Variants in GRM7 observed in about 807,000 individuals in gnomAD.
GRM7 encodes the protein glutamate metabotropic receptor 7, also known as metabotropic glutamate receptor 7.
A neutral mutation model predicts 84.5 loss-of-function variants in GRM7; 35 were observed. The observed-to-expected ratio is 0.41, with a 90% CI of 0.32 to 0.55. The LOEUF (loss-of-function observed/expected upper bound fraction) is 0.55. Among genes scored for constraint, GRM7 ranks in the 20% least tolerant of loss-of-function variants. The pLI is 0.19. For synonymous variants in GRM7, 487 were observed against 455.1 expected (o/e 1.07, Z -0.89); for missense variants, 1,003 against 1,194.6 (o/e 0.84, Z 2.36).
At chr3:7,712,018 T>C (rs1701596407) in intron 9 of GRM7, among the ~76,000 whole-genome samples, 1 of 152,192 alleles carries the variant, frequency 6.6e-6, no homozygotes, top group Non-Finnish European at 1.5e-5. Context: ...CACAGCAGAC[T>C]GCGCTGTACC....
At chr3:6,896,084 A>G (rs571167538) in intron 1 of GRM7, among the ~76,000 whole-genome samples, 1 of 152,214 alleles carries the variant, frequency 6.6e-6, no homozygotes, top group Non-Finnish European at 1.5e-5. Flanking sequence ...AACATGCAGC[A>G]TAAGATTAAT....
chr3:6,945,391 C>G (rs1698032755), intron 1 of GRM7, among the ~76,000 whole-genome samples: 1 of 152,062 alleles, frequency 6.6e-6, no homozygotes, highest in African/African-American at 2.4e-5. Context: ...AGGACACGAA[C>G]TCATCATTTT....
intron 7 of GRM7, among the ~76,000 whole-genome samples, chr3:7,505,497 A>G (rs1361826714): frequency 6.6e-6 from 1 of 152,162 alleles, no homozygotes; most frequent in East Asian, 1.9e-4. Flanking sequence ...TGTGTGACAA[A>G]CCACCGTGTG....
intron 2 of GRM7, among the ~76,000 whole-genome samples, chr3:7,243,238 G>T (rs2124924998): frequency 6.6e-6 from 1 of 152,152 alleles, no homozygotes; most frequent in Admixed American, 6.5e-5. Context: ...AAATTCAACT[G>T]GTAGCAGAGC....
intron 6 of GRM7, among the ~76,000 whole-genome samples, chr3:7,458,029 T>C (rs896033392): frequency 6.6e-6 from 1 of 152,110 alleles, no homozygotes; most frequent in African/African-American, 2.4e-5. Context: ...CCCGAACAAA[T>C]GCAACGTTCC....
chr3:7,383,329 T>C (rs1245352971), intron 4 of GRM7, among the ~76,000 whole-genome samples: 1 of 152,188 alleles, frequency 6.6e-6, no homozygotes, highest in Non-Finnish European at 1.5e-5. Context: ...TATAGAACTG[T>C]GGTATCTGAA....
chr3:7,461,541 T>C, intron 6 of GRM7, 42 bp from the exon 7 acceptor site: 1 of 1,542,992 alleles, frequency 6.5e-7, no homozygotes, highest in South Asian at 1.1e-5. Flanking sequence ...ATAAGGAATC[T>C]TGTTTAACTT....
intron 2 of GRM7, among the ~76,000 whole-genome samples, chr3:7,249,343 C>T (rs1697893270): frequency 6.6e-6 from 1 of 152,098 alleles, no homozygotes; most frequent in Non-Finnish European, 1.5e-5. Flanking sequence ...AATTTCTTTG[C>T]ATTTTTTAAT....
At chr3:7,011,962 G>A (rs555055592) in intron 1 of GRM7, among the ~76,000 whole-genome samples, 10 of 152,272 alleles carry the variant, frequency 6.6e-5, no homozygotes, top group South Asian at 4.1e-4. Flanking sequence ...GTTCCTAGAA[G>A]AGAGTGTTCT....
At chr3:7,415,978 A>G (rs1338991570) in intron 5 of GRM7, among the ~76,000 whole-genome samples, 1 of 152,174 alleles carries the variant, frequency 6.6e-6, no homozygotes, top group Non-Finnish European at 1.5e-5. Flanking sequence ...CCCTTTTGGG[A>G]GAATGATGCT....
chr3:7,702,249 T>C (rs1034753734), intron 9 of GRM7, among the ~76,000 whole-genome samples: 1 of 152,192 alleles, frequency 6.6e-6, no homozygotes, highest in Non-Finnish European at 1.5e-5. Flanking sequence ...GTCCATACCA[T>C]CACCCAAGAA....
chr3:7,657,631 T>G (rs919936083), intron 8 of GRM7, among the ~76,000 whole-genome samples: 2 of 152,150 alleles, frequency 1.3e-5, no homozygotes, highest in Non-Finnish European at 2.9e-5. Flanking sequence ...TCCCCATCAC[T>G]TTGCTAGTCA....
chr3:7,705,650 T>C (rs1170771336), intron 9 of GRM7, among the ~76,000 whole-genome samples: 8 of 152,166 alleles, frequency 5.3e-5, no homozygotes, highest in Admixed American at 5.2e-4. Context: ...AGAGAACTTG[T>C]GCAATGGCCA....
At chr3:7,228,571 A>T (rs774691900) in intron 2 of GRM7, among the ~76,000 whole-genome samples, 1 of 152,198 alleles carries the variant, frequency 6.6e-6, no homozygotes, top group Non-Finnish European at 1.5e-5. Context: ...GTGAATGATT[A>T]TCCTTTCTTG....
chr3:6,878,375 TTGCG>T (rs898294690), intron 1 of GRM7, among the ~76,000 whole-genome samples: 2 of 90,670 alleles, frequency 2.2e-5, no homozygotes, highest in Non-Finnish European at 4.4e-5. Flanking sequence ...TTTTATGTGT[TTGCG>T]TGTGTGTGTG....
chr3:7,300,763 C>T (rs530014744), intron 3 of GRM7, among the ~76,000 whole-genome samples: 2 of 150,836 alleles, frequency 1.3e-5, no homozygotes, highest in South Asian at 4.2e-4. Context: ...TTGGAAAATT[C>T]TTCATACTCA....
Position 7,031,638 on chromosome 3 carries a change from A to G in GRM7, c.520-114814A>G, listed in dbSNP as rs150267468. On this transcript the variant is annotated intron_variant, in intron 1 of 9. Coordinates refer to ENST00000357716, the MANE Select transcript of GRM7 (RefSeq NM_000844.4). The stretch of plus-strand genomic sequence containing the variant: ...TTCACCATGTTAGCCAGGGCCAAAT[A>G]CTTTTTCATGATGTTACTCCAGATA... 3.2e-4 allele frequency among the ~76,000 whole-genome samples: 49 copies of G among 151,972 alleles called. No individual in the cohort carries two copies. In the East Asian group the frequency reaches 8.1e-3, roughly 25 times the overall value.
intron 4 of GRM7, among the ~76,000 whole-genome samples, chr3:7,372,198 C>T (rs558839186): frequency 8.4e-4 from 128 of 152,104 alleles, no homozygotes; most frequent in African/African-American, 2.9e-3. Context: ...GAAGGAGGAA[C>T]GGTTTGTGGC....
chr3:7,294,754 A>G (rs955811749), intron 2 of GRM7, among the ~76,000 whole-genome samples: 16 of 152,146 alleles, frequency 1.1e-4, no homozygotes, highest in African/African-American at 3.6e-4. Context: ...ACCTGTTCCA[A>G]TTACAAATTC....
Sources: gnomAD v4.1 joint callset for allele counts (sites outside exome capture counted in the v4.1 genomes callset) on GRCh38, gnomAD v4.1.1 for gene constraint, MANE v1.5 for transcripts, NCBI Gene and HGNC (gene_info 2026-07-23, HGNC 2026-07-21) for gene names.